The following ZFAND3 variants were observed in gnomAD, a reference collection of about 807,000 sequenced individuals.
ZFAND3 encodes the protein AN1-type zinc finger protein 3.
ZFAND3 carries 10 observed loss-of-function variants against 29.6 expected under a neutral mutation model. The ratio of observed to expected loss-of-function variants is 0.34; its 90% CI spans 0.21 to 0.57. ZFAND3 has a LOEUF of 0.57. Ranked by LOEUF, ZFAND3 falls within the 20% of genes least tolerant of loss-of-function variation. ZFAND3 has a pLI of 0.86. For synonymous variants in ZFAND3, 128 were observed against 112.6 expected, an observed-to-expected ratio of 1.14 and a Z score of -0.87; for missense variants, 230 against 304.5, an observed-to-expected ratio of 0.76 and a Z score of 1.82.
intron 1 of ZFAND3, among the ~76,000 whole-genome samples, chr6:37,844,287 T>C (rs1397062819): frequency 6.6e-6 from 1 of 151,520 alleles, no homozygotes; most frequent in African/African-American, 2.4e-5. Context: ...TCCTTCTCTG[T>C]CTTTCTTGTC....
chr6:37,907,538 G>A (rs930062129), intron 1 of ZFAND3, among the ~76,000 whole-genome samples: 26 of 152,122 alleles, frequency 1.7e-4, no homozygotes, highest in Non-Finnish European at 2.2e-4. Flanking sequence ...TGGTTCATCT[G>A]TGTTGTCGCA....
chr6:38,101,388 G>A (rs903245721), intron 4 of ZFAND3, among the ~76,000 whole-genome samples: 6 of 152,188 alleles, frequency 3.9e-5, no homozygotes, highest in Admixed American at 3.9e-4. Context: ...AAGAAAAGGT[G>A]TAAGGCTTTC....
intron 5 of ZFAND3, among the ~76,000 whole-genome samples, chr6:38,125,262 A>AT (rs1355722070): frequency 6.6e-6 from 1 of 152,194 alleles, no homozygotes; most frequent in African/African-American, 2.4e-5. Flanking sequence ...AACCAGATAG[A>AT]TTAGTCCCTC....
chr6:37,865,950 G>A (rs1421477675), intron 1 of ZFAND3, among the ~76,000 whole-genome samples: 5 of 152,200 alleles, frequency 3.3e-5, no homozygotes, highest in African/African-American at 1.2e-4. Context: ...TTTCTGGTCT[G>A]TGTGCCCTAA....
chr6:38,037,675 A>G (rs1763686298), intron 2 of ZFAND3, among the ~76,000 whole-genome samples: 1 of 152,160 alleles, frequency 6.6e-6, no homozygotes, highest in South Asian at 2.1e-4. Flanking sequence ...GGGCCACACA[A>G]AGGGTGCACA....
chr6:37,853,828 A>T (rs1428270018), intron 1 of ZFAND3, among the ~76,000 whole-genome samples: 1 of 152,338 alleles, frequency 6.6e-6, no homozygotes, highest in East Asian at 1.9e-4. Flanking sequence ...GATTACCAGT[A>T]AACTATTTCG....
At chr6:38,100,777 T>C (rs1260017604) in intron 4 of ZFAND3, among the ~76,000 whole-genome samples, 1 of 152,246 alleles carries the variant, frequency 6.6e-6, no homozygotes, top group African/African-American at 2.4e-5. Context: ...TATAAGAATG[T>C]TTCCTAAAAT....
chr6:38,004,912 G>A (rs1763023167), intron 2 of ZFAND3, among the ~76,000 whole-genome samples: 2 of 152,162 alleles, frequency 1.3e-5, no homozygotes, highest in Admixed American at 6.5e-5. Context: ...AGTAATTAGA[G>A]CTTACCTAAA....
intron 4 of ZFAND3, among the ~76,000 whole-genome samples, chr6:38,100,464 T>C (rs1225612581): frequency 6.6e-6 from 1 of 152,224 alleles, no homozygotes; most frequent in Non-Finnish European, 1.5e-5. Context: ...AAATAGGTTC[T>C]TATTGGTGTT....
At position 38,083,834 on chromosome 6, in the gene ZFAND3, G is replaced by GTAGA. The variant is rs5875610; in HGVS notation, c.361+1379_361+1382dup. Reference sequence around the variant, plus strand: ...TCATTTACTTGTGTCCATCTTCTAGGTAGATCTGTTTCCTCCTCTCTGATC... The same window carrying GTAGA: ...TCATTTACTTGTGTCCATCTTCTAGGTAGATAGATCTGTTTCCTCCTCTCTGATC... On this transcript the variant is annotated intron_variant, in intron 4 of 5. Coordinates refer to ENST00000287218, the MANE Select transcript of ZFAND3 (RefSeq NM_021943.3). Among the ~76,000 whole-genome samples, 2,664 of 152,150 alleles carry GTAGA rather than the reference G, an allele frequency of 0.018. 246 individuals carry two copies. In the East Asian group the frequency reaches 0.28, roughly 16 times the overall value.
At chr6:38,102,534 C>G (rs9470774) in intron 4 of ZFAND3, among the ~76,000 whole-genome samples, 4,965 of 152,094 alleles carry the variant, frequency 0.033, 224 homozygotes, top group African/African-American at 0.096. Flanking sequence ...ACTTAGAGAC[C>G]AAGGTGTTGG....
rs761058068 is a variant in ZFAND3, at chr6:38,061,597, T to C, written c.117T>C (p.Phe39=). 1 of 1,614,116 alleles carries C rather than the reference T, an allele frequency of 6.2e-7. No individual in the cohort carries two copies. The highest frequency in any genetic ancestry group is 8.5e-7 in the Non-Finnish European group (1 of 1,179,974). ...MNLCSKCFAD[F]QKKQPDDDSA... is the part of the protein sequence containing the mutation. The stretch of plus-strand genomic sequence containing the variant: ...TCGTTTTCTATTTTTCTTCAGATTT[T>C]CAAAAGAAACAGCCAGACGATGATT... Residue 39 remains phenylalanine (F), a synonymous_variant, in exon 3 of 6, where the codon TTT becomes TTC. Coordinates refer to ENST00000287218, the MANE Select transcript of ZFAND3 (RefSeq NM_021943.3).
chr6:37,964,007 T>C (rs895102003), intron 2 of ZFAND3, among the ~76,000 whole-genome samples: 4 of 152,226 alleles, frequency 2.6e-5, no homozygotes, highest in African/African-American at 9.6e-5. Flanking sequence ...GTTCCATATA[T>C]TATAATCCTT....
rs200750608 is a variant in ZFAND3 at position 38,103,374 on chromosome 6, A to ACACACT, written c.362-13198_362-13197insCACACT. Among the ~76,000 whole-genome samples, 2,303 of 146,864 alleles carry ACACACT rather than the reference A, an allele frequency of 0.016. 190 individuals are homozygous for ACACACT. In the East Asian group the frequency reaches 0.26, roughly 16 times the overall value. On this transcript the variant is annotated intron_variant, in intron 4 of 5. Coordinates refer to ENST00000287218, the MANE Select transcript of ZFAND3 (RefSeq NM_021943.3). ...TATATATATATATATATATACACAC[A>ACACACT]ATATATATATACACACACACATATA...
intron 2 of ZFAND3, among the ~76,000 whole-genome samples, chr6:37,952,607 C>T (rs1345997975): frequency 6.6e-6 from 1 of 151,838 alleles, no homozygotes; most frequent in African/African-American, 2.4e-5. Context: ...TGCTGAGGTC[C>T]CATTTCTGCC....
rs138927610 is a variant in ZFAND3 at position 37,942,187 on chromosome 6, G to A, written c.112+12188G>A. ...ATAAAACATGGCACCTCTGAATGGT[G>A]CTGATACTCATTTGGGAATAAAAGA... On this transcript the variant is annotated intron_variant, in intron 2 of 5. Transcript: ENST00000287218. Among the ~76,000 whole-genome samples the A allele has an allele frequency of 4.7e-4, 72 of 152,144 alleles. No individual in the cohort carries two copies. The East Asian group carries it at 0.013, about 29-fold the overall frequency.
rs1033536102 is a variant in ZFAND3, at chr6:37,880,756, C to T, written c.72-49203C>T. Among the ~76,000 whole-genome samples, 120 of 149,588 alleles carry T rather than the reference C, an allele frequency of 8.0e-4. 1 individual carries two copies. The highest frequency in any genetic ancestry group is 2.9e-3 in the African/African-American group (116 of 40,508). Reference sequence around the variant, plus strand: ...GCTATCGTGTATATTCTGAAAAGTTCGTGATTAAATCACCTACTGTTGTGT... The same window carrying T: ...GCTATCGTGTATATTCTGAAAAGTTTGTGATTAAATCACCTACTGTTGTGT... On this transcript the variant is annotated intron_variant, in intron 1 of 5. Coordinates refer to ENST00000287218, the MANE Select transcript of ZFAND3 (RefSeq NM_021943.3).
At chr6:37,887,549 T>G (rs1046234996) in intron 1 of ZFAND3, among the ~76,000 whole-genome samples, 2 of 152,232 alleles carry the variant, frequency 1.3e-5, no homozygotes, top group African/African-American at 4.8e-5. Flanking sequence ...TTGTATTCCC[T>G]GATGGGAAGA....
At chr6:38,073,440 A>G (rs1203550393) in intron 3 of ZFAND3, among the ~76,000 whole-genome samples, 2 of 152,132 alleles carry the variant, frequency 1.3e-5, no homozygotes, top group South Asian at 2.1e-4. Context: ...ATGCAAATCT[A>G]GAAATCGGAG....
Sources: allele counts gnomAD v4.1 joint callset (sites outside exome capture counted in the v4.1 genomes callset), GRCh38; gene constraint gnomAD v4.1.1; transcripts MANE v1.5; gene names NCBI Gene and HGNC (gene_info 2026-07-23, HGNC 2026-07-21).